CSGALNACT1: variants seen among roughly 807,000 people sequenced by gnomAD.
CSGALNACT1 encodes the protein beta4GalNAcT-1.
Under a neutral mutation model 51.0 loss-of-function variants are expected in CSGALNACT1, and 52 were observed. The observed-to-expected ratio is 1.02, with a 90% confidence interval of 0.82 to 1.29. CSGALNACT1 has a LOEUF of 1.29. Among genes scored for constraint, CSGALNACT1 ranks in the 50% most tolerant of loss-of-function variants. CSGALNACT1 has a pLI of 0.00. For missense variants in CSGALNACT1, 935 were observed against 679.2 expected (o/e 1.38, Z -4.19); for synonymous variants, 341 against 254.4 (o/e 1.34, Z -3.24).
intron 3 of CSGALNACT1, among the ~76,000 whole-genome samples, chr8:19,580,247 C>A (rs181824273): frequency 6.6e-6 from 1 of 152,274 alleles, no homozygotes; most frequent in East Asian, 1.9e-4. Flanking sequence ...GAAAAATGAA[C>A]CCAACATTCT....
chr8:19,475,622 A>G (rs1049337471), intron 4 of CSGALNACT1, among the ~76,000 whole-genome samples: 1 of 152,174 alleles, frequency 6.6e-6, no homozygotes, highest in African/African-American at 2.4e-5. Context: ...ACACACAACG[A>G]GTAAGTAAAA....
At chr8:19,716,612 C>CCAAAAAAAAAAAAAAA (rs1414449293) in intron 1 of CSGALNACT1, among the ~76,000 whole-genome samples, 1 of 41,968 alleles carries the variant, frequency 2.4e-5, no homozygotes, top group Non-Finnish European at 4.2e-5. Flanking sequence ...ACCCTCTCTA[C>CCAAAAAAAAAAAAAAA]AAAAAAAAAA....
At chr8:19,624,720 C>T (rs927007375) in intron 1 of CSGALNACT1, among the ~76,000 whole-genome samples, 3 of 151,810 alleles carry the variant, frequency 2.0e-5, no homozygotes, top group African/African-American at 4.8e-5. Flanking sequence ...GCTCTGTTGC[C>T]CAGGCTGGAG....
At chr8:19,549,475 A>G (rs1297062484) in intron 3 of CSGALNACT1, among the ~76,000 whole-genome samples, 1 of 152,094 alleles carries the variant, frequency 6.6e-6, no homozygotes, top group Non-Finnish European at 1.5e-5. Flanking sequence ...ATAAACAATT[A>G]GGTACTTTTT....
At chr8:19,505,775 C>T (rs767973052) in exon 4 of CSGALNACT1, 5 of 1,614,010 alleles carry the variant, frequency 3.1e-6, no homozygotes, top group Non-Finnish European at 4.2e-6. Flanking sequence ...AGCAGAGGAG[C>T]ACCAGCAAAA....
At chr8:19,454,129 T>TC (rs1563481315) in intron 5 of CSGALNACT1, among the ~76,000 whole-genome samples, 1 of 152,158 alleles carries the variant, frequency 6.6e-6, no homozygotes, top group Admixed American at 6.5e-5. Context: ...TGACAGTGTG[T>TC]CCCATGAATT....
Position 19,469,921 on chromosome 8 carries a change from G to A in CSGALNACT1, c.635-11279C>T, listed in dbSNP as rs529108739. Among the ~76,000 whole-genome samples, 258 of 152,302 alleles carry A rather than the reference G, an allele frequency of 1.7e-3. 2 individuals carry two copies. Among genetic ancestry groups the A allele is most frequent in the Middle Eastern group, 6.8e-3 (2 of 294 alleles). On this transcript the variant is annotated intron_variant, in intron 4 of 9. Coordinates refer to ENST00000454498, the Ensembl canonical transcript of CSGALNACT1. Reference sequence around the variant, plus strand: ...AATGAATATTTGCTTCACAGAAGGAGAAAGGGAGGGAGGGAAGAAGAAAGG... The same window carrying A: ...AATGAATATTTGCTTCACAGAAGGAAAAAGGGAGGGAGGGAAGAAGAAAGG...
chr8:19,587,998 C>G (rs1303175935), intron 3 of CSGALNACT1: 3 of 152,132 alleles, frequency 2.0e-5, no homozygotes, highest in African/African-American at 7.2e-5. Context: ...TGAGACCAGC[C>G]TGGTCAACGT....
At chr8:19,695,781 T>A (rs568550234) in intron 1 of CSGALNACT1, among the ~76,000 whole-genome samples, 33 of 152,092 alleles carry the variant, frequency 2.2e-4, no homozygotes, top group African/African-American at 7.2e-4. Flanking sequence ...GTTTGTGGAG[T>A]CAAAAAGGAG....
chr8:19,418,532 C>T (rs766322369), intron 8 of CSGALNACT1, 124 bp downstream of exon 7: 41 of 744,278 alleles, frequency 5.5e-5, no homozygotes, highest in Non-Finnish European at 7.1e-5. Context: ...ATCTGCCAAA[C>T]GTAAAAACTA....
chr8:19,557,755 C>T (rs1426808038), intron 3 of CSGALNACT1, among the ~76,000 whole-genome samples: 1 of 152,132 alleles, frequency 6.6e-6, no homozygotes, highest in African/African-American at 2.4e-5. Flanking sequence ...CTTCTTCATA[C>T]CTATCATGTT....
At chr8:19,565,866 G>A (rs570900845) in intron 3 of CSGALNACT1, among the ~76,000 whole-genome samples, 8 of 152,300 alleles carry the variant, frequency 5.3e-5, no homozygotes, top group Admixed American at 3.3e-4. Flanking sequence ...AGCCGAGATC[G>A]TGCCACTGCA....
At chr8:19,575,479 G>C (rs776549641) in intron 3 of CSGALNACT1, among the ~76,000 whole-genome samples, 3 of 152,180 alleles carry the variant, frequency 2.0e-5, no homozygotes, top group Non-Finnish European at 4.4e-5. Flanking sequence ...ACATTAAATA[G>C]ACATCTTTTG....
At position 19,590,640 on chromosome 8, in the gene CSGALNACT1, C is replaced by CTTTTTTTTTTTTTTTT. The variant is rs34859554; in HGVS notation, c.-297+504_-297+519dup. Among the ~76,000 whole-genome samples, 70 of 68,988 alleles carry CTTTTTTTTTTTTTTTT rather than the reference C, an allele frequency of 1.0e-3. 5 individuals are homozygous for CTTTTTTTTTTTTTTTT. Among genetic ancestry groups the CTTTTTTTTTTTTTTTT allele is most frequent in the African/African-American group, 3.6e-3 (66 of 18,190 alleles). 45.3% of individuals were successfully genotyped at this position (68,988 alleles called of 152,430 possible). A position where few individuals can be genotyped will look rare whatever the true frequency, so the allele number is the denominator to read the frequency against. Reference sequence around the variant, plus strand: ...TACTCATAGCTGGTGGACCTAACTACTTTTTTTTTTTTTTTTTTTTTTTTT... The same window carrying CTTTTTTTTTTTTTTTT: ...TACTCATAGCTGGTGGACCTAACTACTTTTTTTTTTTTTTTTTTTTTTTTTTTTTTTTTTTTTTTTT... On this transcript the variant is annotated intron_variant, in intron 3 of 9. Coordinates refer to ENST00000454498, the Ensembl canonical transcript of CSGALNACT1.
At chr8:19,443,103 T>G (rs1215200271) in intron 5 of CSGALNACT1, among the ~76,000 whole-genome samples, 2 of 152,200 alleles carry the variant, frequency 1.3e-5, no homozygotes, top group Non-Finnish European at 2.9e-5. Flanking sequence ...CCTCTAGCTC[T>G]GGCCTGGTCC....
chr8:19,593,607 G>C (rs554798489), intron 2 of CSGALNACT1, among the ~76,000 whole-genome samples: 1 of 152,318 alleles, frequency 6.6e-6, no homozygotes, highest in South Asian at 2.1e-4. Context: ...GTTCTTTTGA[G>C]GAAGTCTGTA....
intron 2 of CSGALNACT1, among the ~76,000 whole-genome samples, chr8:19,600,680 T>A (rs2050213401): frequency 6.6e-6 from 1 of 152,168 alleles, no homozygotes. Context: ...GTTTTTTTTA[T>A]TTTTTCTATT....
At chr8:19,728,000 C>T (rs891182846) in intron 1 of CSGALNACT1, among the ~76,000 whole-genome samples, 4 of 152,090 alleles carry the variant, frequency 2.6e-5, no homozygotes, top group East Asian at 1.9e-4. Context: ...ATTCCAAGTG[C>T]GACTGGAGTT....
At chr8:19,552,018 A>G (rs2088245146) in intron 3 of CSGALNACT1, among the ~76,000 whole-genome samples, 1 of 152,228 alleles carries the variant, frequency 6.6e-6, no homozygotes, top group Non-Finnish European at 1.5e-5. Context: ...ATACCCTGGC[A>G]AAAGAATTAC....
Sources: gnomAD v4.1 joint callset for allele counts (sites outside exome capture counted in the v4.1 genomes callset) on GRCh38, gnomAD v4.1.1 for gene constraint, MANE v1.5 for transcripts, NCBI Gene and HGNC (gene_info 2026-07-23, HGNC 2026-07-21) for gene names.